The following SGSM1 variants were observed in gnomAD, a reference collection of about 807,000 sequenced individuals.
SGSM1 encodes the protein RUN and TBC1 domain containing 2.
Under a neutral mutation model 133.8 loss-of-function variants are expected in SGSM1, and 73 were observed. The ratio of observed to expected loss-of-function variants is 0.55; its 90% CI spans 0.45 to 0.66. SGSM1 has a LOEUF of 0.66. Ranked by LOEUF, SGSM1 falls within the 30% of genes least tolerant of loss-of-function variation. SGSM1 has a pLI of 0.00. For synonymous variants in SGSM1, 563 were observed against 573.0 expected (o/e 0.98, Z 0.25); for missense variants, 1,213 against 1,448.1 (o/e 0.84, Z 2.64).
chr22:24,861,799 G>A (rs902325446), intron 9 of SGSM1, among the ~76,000 whole-genome samples: 1 of 150,410 alleles, frequency 6.6e-6, no homozygotes, highest in Non-Finnish European at 1.5e-5. Context: ...TGCCCATCTC[G>A]GCCGCCTCTC....
Position 24,811,947 on chromosome 22 carries a change from T to C in SGSM1, c.63+5463T>C, listed in dbSNP as rs181368801. 2.2e-3 allele frequency among the ~76,000 whole-genome samples: 338 copies of C among 150,962 alleles called. 1 individual carries two copies. Among genetic ancestry groups the C allele is most frequent in the African/African-American group, 7.4e-3 (303 of 41,052 alleles). On this transcript the variant is annotated intron_variant, in intron 2 of 24. Transcript: ENST00000400358. ...ACTTTGGGAGGCCAAGCTGAGTGGA[T>C]CACTTGAGGTCAGGAGTTGAAGACC...
intron 21 of SGSM1, among the ~76,000 whole-genome samples, chr22:24,906,097 A>C (rs1300328347): frequency 6.6e-6 from 1 of 152,234 alleles, no homozygotes; most frequent in East Asian, 1.9e-4. Flanking sequence ...CCAGAATGCA[A>C]GGATGGTTTG....
intron 5 of SGSM1, among the ~76,000 whole-genome samples, chr22:24,854,265 CT>C (rs1318155779): frequency 6.6e-6 from 1 of 152,148 alleles, no homozygotes; most frequent in African/African-American, 2.4e-5. Context: ...GTTACACAGC[CT>C]TTCAGTACGC....
chr22:24,898,537 C>CT lies in SGSM1; in HGVS notation c.2590dup (p.Ser864PhefsTer45), dbSNP rs758417151. 1 of 1,608,298 alleles carries CT rather than the reference C, an allele frequency of 6.2e-7. No individual in the cohort carries two copies. The highest frequency in any genetic ancestry group is 8.5e-7 in the Non-Finnish European group (1 of 1,176,726). ...TCTGCCAACGAGGTGTCCCCTGTGT[C>CT]TTCCAGCGGCGTCACCTACTCTGTA... On this transcript the variant is annotated frameshift_variant, in exon 19 of 25. Coordinates refer to ENST00000400358, the MANE Select transcript of SGSM1 (RefSeq NM_001098497.3). LOFTEE classifies it high-confidence loss of function.
intron 15 of SGSM1, 71 bp from the exon 16 acceptor site, chr22:24,886,529 C>T (rs1274919855): frequency 6.6e-7 from 1 of 1,521,000 alleles, no homozygotes; most frequent in Non-Finnish European, 8.9e-7. Flanking sequence ...CATGGTGAAA[C>T]CCCATCCCTA....
intron 5 of SGSM1, among the ~76,000 whole-genome samples, chr22:24,853,773 T>TC (rs1236894837): frequency 8.7e-6 from 1 of 114,376 alleles, no homozygotes; most frequent in Admixed American, 8.7e-5. Context: ...TGGTGAATTT[T>TC]TTTTTTTTTT....
At chr22:24,858,490 G>T (rs1175151590) in intron 8 of SGSM1, among the ~76,000 whole-genome samples, 1 of 152,030 alleles carries the variant, frequency 6.6e-6, no homozygotes, top group Admixed American at 6.5e-5. Context: ...ACAAAAATTA[G>T]CTAGGCATGG....
At chr22:24,888,938 C>CTTTTTTTTTTT (rs1234715475) in intron 16 of SGSM1, among the ~76,000 whole-genome samples, 1 of 79,948 alleles carries the variant, frequency 1.3e-5, no homozygotes, top group Non-Finnish European at 2.2e-5. Context: ...TCATAGTCAC[C>CTTTTTTTTTTT]TTTTTTTTTT....
intron 14 of SGSM1, among the ~76,000 whole-genome samples, chr22:24,880,422 C>A (rs182791770): frequency 6.6e-6 from 1 of 152,322 alleles, no homozygotes; most frequent in East Asian, 1.9e-4. Flanking sequence ...GCATGAGCCA[C>A]CACATCTGTC....
intron 14 of SGSM1, among the ~76,000 whole-genome samples, chr22:24,880,738 C>T (rs879509374): frequency 2.6e-5 from 4 of 152,122 alleles, no homozygotes; most frequent in Non-Finnish European, 5.9e-5. Flanking sequence ...GTGGGGGAGT[C>T]GAGATGGGTC....
At chr22:24,856,981 G>T (rs1930833437) in intron 8 of SGSM1, among the ~76,000 whole-genome samples, 2 of 151,832 alleles carry the variant, frequency 1.3e-5, no homozygotes. Context: ...TGTTAGCCAG[G>T]ATGGTATCAA....
At position 24,855,042 on chromosome 22, in the gene SGSM1, C is replaced by T. The variant is rs1324591979; in HGVS notation, c.502C>T (p.Pro168Ser). 1 of 1,613,246 alleles carries T rather than the reference C, an allele frequency of 6.2e-7. No homozygotes were observed. The highest frequency in any genetic ancestry group is 8.5e-7 in the Non-Finnish European group (1 of 1,179,664). ...EALLMDPVDG[P>S]ILASLLVGPC... ...TCTCCTGATGGACCCTGTGGACGGCCCCATCCTTGCATCTTTGTTGGGTAA... is the reference window on the plus strand; with the variant it reads ...TCTCCTGATGGACCCTGTGGACGGCTCCATCCTTGCATCTTTGTTGGGTAA... The change falls in exon 6 of 25, where the codon CCC (proline) becomes TCC (serine). Residue 168 changes from proline (P) to serine (S), a missense_variant. Transcript: ENST00000400358.
At chr22:24,874,304 C>A in intron 12 of SGSM1, 1 of 1,123,488 alleles carries the variant, frequency 8.9e-7, no homozygotes, top group Non-Finnish European at 1.2e-6. Context: ...CTGTGTGGAG[C>A]CGGGAAGGGG....
chr22:24,888,500 G>A (rs1932736606), intron 16 of SGSM1, among the ~76,000 whole-genome samples: 1 of 152,142 alleles, frequency 6.6e-6, no homozygotes, highest in African/African-American at 2.4e-5. Context: ...GGGCACGGTG[G>A]CTCACGTCTA....
intron 13 of SGSM1, among the ~76,000 whole-genome samples, chr22:24,877,681 G>A (rs1435087354): frequency 4.6e-5 from 7 of 151,902 alleles, no homozygotes; most frequent in Admixed American, 4.6e-4. Flanking sequence ...CAGCACCTGG[G>A]CAAATTCTGA....
Position 24,822,088 on chromosome 22 carries a change from C to CTCTTTTTTTTTTTTTTTTTTT in SGSM1, c.63+15605_63+15606insCTTTTTTTTTTTTTTTTTTTT, listed in dbSNP as rs1555920070. Among the ~76,000 whole-genome samples, 560 of 96,094 alleles carry CTCTTTTTTTTTTTTTTTTTTT rather than the reference C, an allele frequency of 5.8e-3. 31 individuals carry two copies. Among genetic ancestry groups the CTCTTTTTTTTTTTTTTTTTTT allele is most frequent in the Non-Finnish European group, 9.0e-3 (451 of 50,288 alleles). The allele number at this position is 96,094 out of a possible 152,430, so 63.0% of individuals were successfully genotyped here. On this transcript the variant is annotated intron_variant, in intron 2 of 24. Coordinates refer to ENST00000400358, the MANE Select transcript of SGSM1 (RefSeq NM_001098497.3). ...CCATGCTCTACCTGTTCATCTCTCTCTTTTTTTTTTTTTTTTTTTTGAGAC... is the reference window on the plus strand; with the variant it reads ...CCATGCTCTACCTGTTCATCTCTCTCTCTTTTTTTTTTTTTTTTTTTTTTTTTTTTTTTTTTTTTTTGAGAC...
chr22:24,874,434 C>T, intron 12 of SGSM1: 1 of 1,611,028 alleles, frequency 6.2e-7, no homozygotes. Flanking sequence ...ACTTCTTGGG[C>T]AGCACTTCCT....
rs773607105 is a variant in SGSM1, at chr22:24,879,505, C to A, written c.1474C>A (p.Leu492Ile). 6.2e-7 allele frequency: 1 copy of A among 1,613,756 alleles called. No individual in the cohort carries two copies. Among genetic ancestry groups the A allele is most frequent in the Non-Finnish European group, 8.5e-7 (1 of 1,179,830 alleles). Residue 492 changes from leucine (L) to isoleucine (I), a missense_variant, in exon 14 of 25, where the codon CTC becomes ATC. Coordinates refer to ENST00000400358, the MANE Select transcript of SGSM1 (RefSeq NM_001098497.3). ...LLCDNMKYQILSRAFYGWLAY... is the reference protein window; with the variant it reads ...LLCDNMKYQIISRAFYGWLAY... Reference sequence around the variant, plus strand: ...CTGTGACAATATGAAGTACCAGATCCTCTCCAGAGCCTTCTATGGATGTAC... The same window carrying A: ...CTGTGACAATATGAAGTACCAGATCATCTCCAGAGCCTTCTATGGATGTAC...
chr22:24,836,539 A>G (rs1334903525), intron 2 of SGSM1, among the ~76,000 whole-genome samples: 1 of 152,250 alleles, frequency 6.6e-6, no homozygotes, highest in Non-Finnish European at 1.5e-5. Flanking sequence ...ACTGTCTACC[A>G]TAGCAGCTGC....
Sources: gnomAD v4.1 joint callset for allele counts (sites outside exome capture counted in the v4.1 genomes callset) on GRCh38, gnomAD v4.1.1 for gene constraint, MANE v1.5 for transcripts, NCBI Gene and HGNC (gene_info 2026-07-23, HGNC 2026-07-21) for gene names.